The following VLDLR variants were observed in gnomAD, a reference collection of about 807,000 sequenced individuals.
The protein encoded by VLDLR is very low-density lipoprotein receptor.
VLDLR carries 81 observed loss-of-function variants against 112.7 expected under a neutral mutation model. The observed-to-expected ratio is 0.72, with a 90% CI of 0.60 to 0.86. The LOEUF (loss-of-function observed/expected upper bound fraction) is 0.86. Among genes scored for constraint, VLDLR ranks in the 40% least tolerant of loss-of-function variants. The probability of loss-of-function intolerance (pLI) is 0.00; values close to 1 mark genes in which losing one functional copy is unlikely to be tolerated. For synonymous variants in VLDLR, 436 were observed against 384.8 expected (o/e 1.13, Z -1.56); for missense variants, 1,237 against 1,099.4 (o/e 1.13, Z -1.77).
chr9:2,623,185 C>T (rs1816914777), intron 1 of VLDLR, among the ~76,000 whole-genome samples: 1 of 152,212 alleles, frequency 6.6e-6, no homozygotes, highest in Admixed American at 6.5e-5. Context: ...TTGGGAAGGG[C>T]GGCGGTGACT....
rs757777540 is a variant in VLDLR, at chr9:2,648,285, C to T, written c.1900C>T (p.Arg634Cys). The part of the protein sequence containing the change: ...LSSVDLNGQD[R>C]RIVLKSLEFL... ...CAGCGTGGACTTGAATGGCCAAGATCGTAGGATAGTACTAAAGTCTCTGGA... is the reference window on the plus strand; with the variant it reads ...CAGCGTGGACTTGAATGGCCAAGATTGTAGGATAGTACTAAAGTCTCTGGA... Residue 634 changes from arginine (R) to cysteine (C), a missense_variant, in exon 13 of 19, where the codon CGT becomes TGT. Physicochemically the swap from Arg to Cys is radical, Grantham distance 180. Coordinates refer to ENST00000382100, the MANE Select transcript of VLDLR (RefSeq NM_003383.5). The T allele has an allele frequency of 9.3e-6, 15 of 1,614,056 alleles. No homozygotes were observed. Among genetic ancestry groups the T allele is most frequent in the South Asian group, 6.6e-5 (6 of 91,086 alleles).
intron 1 of VLDLR, among the ~76,000 whole-genome samples, chr9:2,625,992 C>G (rs1447859348): frequency 5.9e-5 from 9 of 152,182 alleles, no homozygotes; most frequent in Admixed American, 5.9e-4. Flanking sequence ...AAATCAGTGT[C>G]TCTTTGCTAA....
In VLDLR at chr9:2,647,161, A is replaced by G. The variant is rs182485539; in HGVS notation, c.1704-313A>G. ...CTCAGTCAGCCAGCCAACCCCTGCT[A>G]TGAAATTTGAAGGATGTTCGTCTTG... is the stretch of plus-strand genomic sequence containing the variant. On this transcript the variant is annotated intron_variant, in intron 11 of 18. Coordinates refer to ENST00000382100, the MANE Select transcript of VLDLR (RefSeq NM_003383.5). Among the ~76,000 whole-genome samples, 11 of 152,314 alleles carry G rather than the reference A, an allele frequency of 7.2e-5. No homozygotes were observed. The East Asian group carries it at 1.9e-3, about 27-fold the overall frequency.
intron 17 of VLDLR, among the ~76,000 whole-genome samples, chr9:2,652,397 G>A (rs542962525): frequency 6.6e-6 from 1 of 152,304 alleles, no homozygotes; most frequent in South Asian, 2.1e-4. Flanking sequence ...ACCTCTAAAC[G>A]AGACACGCAA....
chr9:2,656,956 A>G lies in VLDLR; in HGVS notation c.*3088A>G, dbSNP rs1818634443. On this transcript the variant is annotated 3_prime_UTR_variant, in exon 19 of 19. Transcript: ENST00000382100. ...TGAATACAAGGCAAAAAAAAAAAAA[A>G]AAAAAAAAAAAAAATTGAGGCTTTC... The G allele has an allele frequency of 6.8e-6, 1 of 147,858 alleles. No individual in the cohort carries two copies. Among genetic ancestry groups the G allele is most frequent in the African/African-American group, 2.6e-5 (1 of 38,104 alleles). 9.2% of individuals were successfully genotyped at this position (147,858 alleles called of 1,614,324 possible). A position where few individuals can be genotyped will look rare whatever the true frequency, so the allele number is the denominator to read the frequency against.
At chr9:2,624,840 A>T (rs879629447) in intron 1 of VLDLR, among the ~76,000 whole-genome samples, 4 of 152,234 alleles carry the variant, frequency 2.6e-5, no homozygotes, top group Non-Finnish European at 5.9e-5. Flanking sequence ...GTCACCAGCC[A>T]AGCCCTCCTT....
chr9:2,637,186 TG>T (rs1817630113), intron 2 of VLDLR, among the ~76,000 whole-genome samples: 1 of 152,232 alleles, frequency 6.6e-6, no homozygotes, highest in African/African-American at 2.4e-5. Context: ...GTGCTTACTT[TG>T]TTTCTCTATG....
intron 18 of VLDLR, among the ~76,000 whole-genome samples, 185 bp downstream of exon 18, chr9:2,653,134 C>G (rs1054578715): frequency 3.7e-4 from 57 of 152,064 alleles, no homozygotes; most frequent in Admixed American, 3.7e-3. Flanking sequence ...AGCATCTAAC[C>G]CTCACCAACT....
chr9:2,642,754 G>A (rs1367576012), intron 4 of VLDLR, among the ~76,000 whole-genome samples: 2 of 152,160 alleles, frequency 1.3e-5, no homozygotes, highest in Admixed American at 1.3e-4. Context: ...AATGCTTGTT[G>A]TGAGTATTAC....
chr9:2,649,426 C>G (rs142370471), intron 14 of VLDLR, among the ~76,000 whole-genome samples: 2 of 152,134 alleles, frequency 1.3e-5, no homozygotes, highest in Admixed American at 6.5e-5. Context: ...GACTCTTGCT[C>G]TGTCACCCAG....
chr9:2,633,053 T>A (rs541617015), intron 1 of VLDLR, among the ~76,000 whole-genome samples: 21 of 87,790 alleles, frequency 2.4e-4, no homozygotes, highest in Non-Finnish European at 4.9e-4. Context: ...AGAGAGAGAG[T>A]GTGTGTGTGT....
Position 2,648,870 on chromosome 9 carries a change from C to T in VLDLR, c.2104+60C>T, listed in dbSNP as rs1476182627. 1.9e-6 allele frequency: 3 copies of T among 1,608,152 alleles called. No individual in the cohort carries two copies. The Admixed American group carries it at 5.0e-5, about 27-fold the overall frequency. ...TTAAGGGAAGCAGCATGACACAGAA[C>T]CTGCTGGATGTCAGTAGCTCTTGGC... On this transcript the variant is annotated intron_variant, in intron 14 of 18. Coordinates refer to ENST00000382100, the MANE Select transcript of VLDLR (RefSeq NM_003383.5).
Position 2,644,719 on chromosome 9 carries a change from A to G in VLDLR, c.1067-15A>G. On this transcript the variant is annotated splice_polypyrimidine_tract_variant and intron_variant, in intron 7 of 18. Transcript: ENST00000382100. ...GAAAATAAGTTGTCAAGTGACTACTACATTTTTATTCCAGATATAAACGAA... is the reference window on the plus strand; with the variant it reads ...GAAAATAAGTTGTCAAGTGACTACTGCATTTTTATTCCAGATATAAACGAA... 6.2e-7 allele frequency: 1 copy of G among 1,614,116 alleles called. No homozygotes were observed. Among genetic ancestry groups the G allele is most frequent in the South Asian group, 1.1e-5 (1 of 91,072 alleles).
chr9:2,644,971 C>T lies in VLDLR; in HGVS notation c.1201C>T (p.Gln401Ter). Residue 401 changes from glutamine to a stop codon, truncating the protein, a stop_gained, in exon 9 of 19, where the codon CAA (glutamine) becomes TAA (stop). Coordinates refer to ENST00000382100, the MANE Select transcript of VLDLR (RefSeq NM_003383.5). LOFTEE classifies it high-confidence loss of function. ...RKTCGDIDECQNPGICSQICI... is the reference protein window; with the variant it reads ...RKTCGDIDEC ...TTCCCTCCCAGATATTGATGAATGC[C>T]AAAATCCAGGAATCTGCAGTCAAAT... 6.2e-7 allele frequency: 1 copy of T among 1,614,122 alleles called. No individual in the cohort carries two copies.
intron 3 of VLDLR, 71 bp from the exon 4 acceptor site, chr9:2,641,306 A>C: frequency 8.1e-6 from 13 of 1,609,740 alleles, no homozygotes; most frequent in Non-Finnish European, 1.0e-5. Flanking sequence ...TAGCGCTTCC[A>C]GGCAGCACAG....
chr9:2,629,817 A>G (rs1817257756), intron 1 of VLDLR, among the ~76,000 whole-genome samples: 1 of 152,108 alleles, frequency 6.6e-6, no homozygotes, highest in Admixed American at 6.6e-5. Context: ...TGTTTTCGAG[A>G]TGGAGTTTCA....
rs938793943 is a variant in VLDLR at position 2,658,786 on chromosome 9, C to T, written c.*4918C>T. On this transcript the variant is annotated 3_prime_UTR_variant, in exon 19 of 19. Coordinates refer to ENST00000382100, the MANE Select transcript of VLDLR (RefSeq NM_003383.5). The stretch of plus-strand genomic sequence containing the variant: ...CTGTATTTACTGTCACACACAGGCA[C>T]CGGTAAGTGACTTTACCGGTGAAAG... The T allele has an allele frequency of 2.0e-4, 30 of 152,142 alleles. No homozygotes were observed. Among genetic ancestry groups the T allele is most frequent in the Non-Finnish European group, 2.9e-5 (2 of 68,044 alleles). The allele number at this position is 152,142 out of a possible 1,614,324, so 9.4% of individuals were successfully genotyped here.
chr9:2,627,406 A>C (rs1442724887), intron 1 of VLDLR, among the ~76,000 whole-genome samples: 1 of 152,148 alleles, frequency 6.6e-6, no homozygotes, highest in Non-Finnish European at 1.5e-5. Flanking sequence ...TCAGAAGTAA[A>C]ATCTGCGTCT....
intron 1 of VLDLR, among the ~76,000 whole-genome samples, chr9:2,623,828 A>C (rs751711148): frequency 9.9e-5 from 15 of 152,176 alleles, no homozygotes; most frequent in Non-Finnish European, 8.8e-5. Flanking sequence ...ATGGAATCTG[A>C]TGTGTAACAA....
Sources: allele counts gnomAD v4.1 joint callset (sites outside exome capture counted in the v4.1 genomes callset), GRCh38; gene constraint gnomAD v4.1.1; transcripts MANE v1.5; gene names NCBI Gene and HGNC (gene_info 2026-07-23, HGNC 2026-07-21).